KIAA2013: variants seen among roughly 807,000 people sequenced by gnomAD.
KIAA2013 encodes the protein uncharacterized protein KIAA2013.
Under a neutral mutation model 39.9 loss-of-function variants are expected in KIAA2013, and 20 were observed. That is an observed-to-expected ratio of 0.50 (90% CI 0.35 to 0.73). KIAA2013 has a LOEUF of 0.73. Ranked by LOEUF, KIAA2013 falls within the 30% of genes least tolerant of loss-of-function variation. The pLI is 0.01. For missense variants in KIAA2013, 587 were observed against 856.1 expected (o/e 0.69, Z 3.92); for synonymous variants, 336 against 416.6 (o/e 0.81, Z 2.35).
Position 11,920,276 on chromosome 1 carries a change from T to C in KIAA2013, c.*39A>G, listed in dbSNP as rs1354830282. The C allele has an allele frequency of 2.7e-5, 43 of 1,612,030 alleles. No homozygotes were observed. Among genetic ancestry groups the C allele is most frequent in the Non-Finnish European group, 3.6e-5 (42 of 1,178,194 alleles). Reference sequence around the variant, plus strand: ...AGCGGGACTTTCAGTGCTGGGTGTCTTGTGCAAATGGTGGCTGAAAGCAGG... The same window carrying C: ...AGCGGGACTTTCAGTGCTGGGTGTCCTGTGCAAATGGTGGCTGAAAGCAGG... On this transcript the variant is annotated 3_prime_UTR_variant, in exon 3 of 3. Transcript: ENST00000376572.
At position 11,922,653 on chromosome 1, in the gene KIAA2013, G is replaced by C; in HGVS notation, c.1870C>G (p.Pro624Ala). The C allele has an allele frequency of 2.5e-6, 4 of 1,613,528 alleles. No homozygotes were observed. Among genetic ancestry groups the C allele is most frequent in the Non-Finnish European group, 3.4e-6 (4 of 1,179,816 alleles). Residue 624 changes from proline (P) to alanine (A), a missense_variant, in exon 2 of 3, where the codon CCC becomes GCC. Transcript: ENST00000376572. ...YNEYCGPGAK[P>A]LFRSKEDPSV ...CTTCCTACCTTACTCCTGAAGAGGG[G>C]CTTGGCTCCAGGCCCACAGTACTCG...
In KIAA2013 at chr1:11,925,754, G is replaced by A; in HGVS notation, c.484C>T (p.Pro162Ser). ...CCGGGGCCGGCGGCCACGGGGCCAG[G>A]ACCTGGGGACCCCAGCTGCAGGCAA... ...VRCLQLGSPGPGPVAAGPGPA... is the reference protein window; with the variant it reads ...VRCLQLGSPGSGPVAAGPGPA... Residue 162 changes from proline (P) to serine (S), a missense_variant, in exon 1 of 3, where the codon CCT becomes TCT. Transcript: ENST00000376572. This position sits in a 1 kb window ranked among gnomAD's most constrained non-coding sequence, Gnocchi z 5.2. 1 of 1,545,594 alleles carries A rather than the reference G, an allele frequency of 6.5e-7. No individual in the cohort carries two copies. The highest frequency in any genetic ancestry group is 1.2e-5 in the South Asian group (1 of 84,976).
intron 2 of KIAA2013, among the ~76,000 whole-genome samples, chr1:11,921,184 G>A (rs148858720): frequency 7.2e-5 from 11 of 152,272 alleles, no homozygotes; most frequent in Non-Finnish European, 1.5e-4. Flanking sequence ...ATCCCTGCTG[G>A]TCTTTCTCCT....
intron 1 of KIAA2013, among the ~76,000 whole-genome samples, chr1:11,924,142 C>A (rs1355903831): frequency 6.6e-6 from 1 of 151,960 alleles, no homozygotes; most frequent in Non-Finnish European, 1.5e-5. Context: ...TAAAAACATA[C>A]ACACACACAA....
rs1645490207 is a variant in KIAA2013 at position 11,923,960 on chromosome 1, C to T, written c.1034-471G>A. Reference sequence around the variant, plus strand: ...AACGATCTCAGGTTACTACAGCCTCCGCCTCCCGGGTTCAAGTGATTCTCC... The same window carrying T: ...AACGATCTCAGGTTACTACAGCCTCTGCCTCCCGGGTTCAAGTGATTCTCC... On this transcript the variant is annotated intron_variant, in intron 1 of 2. Coordinates refer to ENST00000376572, the MANE Select transcript of KIAA2013 (RefSeq NM_138346.3). The surrounding 1 kb of genome is among the most constrained non-coding windows in gnomAD (Gnocchi z 4.6). 6.6e-6 allele frequency among the ~76,000 whole-genome samples: 1 copy of T among 152,112 alleles called. No individual in the cohort carries two copies. Among genetic ancestry groups the T allele is most frequent in the Non-Finnish European group, 1.5e-5 (1 of 68,028 alleles).
chr1:11,923,169 G>T lies in KIAA2013; in HGVS notation c.1354C>A (p.Gln452Lys). 6.2e-7 allele frequency: 1 copy of T among 1,613,602 alleles called. No homozygotes were observed. The highest frequency in any genetic ancestry group is 8.5e-7 in the Non-Finnish European group (1 of 1,179,792). Residue 452 changes from glutamine (Q) to lysine (K), a missense_variant, in exon 2 of 3, where the codon CAG becomes AAG. Transcript: ENST00000376572. The surrounding 1 kb of genome is among the most constrained non-coding windows in gnomAD (Gnocchi z 4.6). Reference sequence around the variant, plus strand: ...CCCCCAAAGCTGAGCACCATCCCCTGCAGGATGCCTGGGGCACCCACCTTC... The same window carrying T: ...CCCCCAAAGCTGAGCACCATCCCCTTCAGGATGCCTGGGGCACCCACCTTC... ...LVKVGAPGIL[Q>K]GMVLSFGGLQ...
Position 11,923,517 on chromosome 1 carries a change from AG to A in KIAA2013, c.1034-29del. On this transcript the variant is annotated intron_variant, in intron 1 of 2. Transcript: ENST00000376572. This position sits in a 1 kb window ranked among gnomAD's most constrained non-coding sequence, Gnocchi z 4.6. ...GCAACACCATGAAAGCGGCATGTTA[AG>A]GGGGAAGGACAGCTGGGAGGCAGAG... 8.1e-6 allele frequency: 13 copies of A among 1,599,528 alleles called. No homozygotes were observed. Among genetic ancestry groups the A allele is most frequent in the African/African-American group, 1.3e-5 (1 of 75,000 alleles).
In KIAA2013 at chr1:11,920,405, C is replaced by T. The variant is rs370255404; in HGVS notation, c.1888-73G>A. On this transcript the variant is annotated intron_variant, in intron 2 of 2. Coordinates refer to ENST00000376572, the MANE Select transcript of KIAA2013 (RefSeq NM_138346.3). The stretch of plus-strand genomic sequence containing the variant: ...AGTGGCCAGCTATAGAAATAGGCTA[C>T]GGAGACAACCCTAGTGGCACCACAC... 74 of 1,495,348 alleles carry T rather than the reference C, an allele frequency of 4.9e-5. No individual in the cohort carries two copies. In the African/African-American group the frequency reaches 6.7e-4, roughly 14 times the overall value. 92.6% of individuals were successfully genotyped at this position (1,495,348 alleles called of 1,614,324 possible).
rs560671067 is a variant in KIAA2013 at position 11,923,269 on chromosome 1, G to A, written c.1254C>T (p.Ser418=). 1 of 1,613,360 alleles carries A rather than the reference G, an allele frequency of 6.2e-7. No homozygotes were observed. The highest frequency in any genetic ancestry group is 1.3e-5 in the African/African-American group (1 of 74,928). Residue 418 remains serine (S), a synonymous_variant, in exon 2 of 3, where the codon TCC becomes TCT. Coordinates refer to ENST00000376572, the MANE Select transcript of KIAA2013 (RefSeq NM_138346.3). The surrounding 1 kb of genome is among the most constrained non-coding windows in gnomAD (Gnocchi z 4.6). ...HAENLWPGRL[S]SVQQILQLSD... ...AGAGCTGCAGGATCTGCTGGACGGAGGACAGCCGCCCCGGCCACAGGTTCT... is the reference window on the plus strand; with the variant it reads ...AGAGCTGCAGGATCTGCTGGACGGAAGACAGCCGCCCCGGCCACAGGTTCT...
intron 1 of KIAA2013, among the ~76,000 whole-genome samples, chr1:11,924,724 G>A (rs1383916882): frequency 2.6e-5 from 4 of 152,128 alleles, no homozygotes; most frequent in Non-Finnish European, 4.4e-5. Flanking sequence ...CCTGCTAAAA[G>A]GGATTCTCCA....
intron 2 of KIAA2013, among the ~76,000 whole-genome samples, chr1:11,921,391 C>T (rs990635639): frequency 1.3e-5 from 2 of 152,148 alleles, no homozygotes; most frequent in East Asian, 3.9e-4. Flanking sequence ...GAGATGGCCA[C>T]TCTGGTCCGA....
chr1:11,920,793 G>A (rs1028389695), intron 2 of KIAA2013, among the ~76,000 whole-genome samples: 5 of 152,136 alleles, frequency 3.3e-5, no homozygotes, highest in African/African-American at 4.8e-5. Flanking sequence ...ATTTTTCTTC[G>A]AACTTGAGGA....
rs772905077 is a variant in KIAA2013 at position 11,923,417 on chromosome 1, A to G, written c.1106T>C (p.Met369Thr). The change falls in exon 2 of 3, where the codon ATG becomes ACG. Residue 369 changes from methionine to threonine, a missense_variant. Transcript: ENST00000376572. This position sits in a 1 kb window ranked among gnomAD's most constrained non-coding sequence, Gnocchi z 4.6. ...CAGTGGGGCTGGCGAGCAGGAGAGC[A>G]TGTAATAGAGCGTCAGGTTCACGGT... ...GLTVNLTLYY[M>T]LSCSPAPLLS... 4 of 1,612,208 alleles carry G rather than the reference A, an allele frequency of 2.5e-6. No homozygotes were observed. Among genetic ancestry groups the G allele is most frequent in the Non-Finnish European group, 3.4e-6 (4 of 1,180,018 alleles).
At position 11,919,957 on chromosome 1, in the gene KIAA2013, T is replaced by G. The variant is rs1343641669; in HGVS notation, c.*358A>C. 3.1e-6 allele frequency: 1 copy of G among 321,018 alleles called. No homozygotes were observed. The highest frequency in any genetic ancestry group is 7.0e-5 in the East Asian group (1 of 14,378). 19.9% of individuals were successfully genotyped at this position (321,018 alleles called of 1,614,324 possible). On this transcript the variant is annotated 3_prime_UTR_variant, in exon 3 of 3. Coordinates refer to ENST00000376572, the MANE Select transcript of KIAA2013 (RefSeq NM_138346.3). ...TTCATTAAGAAAGAACACGTTAAAT[T>G]AGGAAAAGGACACAACTTTTCCTAG...
At chr1:11,922,523 G>A (rs11555351) in intron 2 of KIAA2013, 113 bp downstream of exon 2, 95,856 of 1,551,562 alleles carry the variant, frequency 0.062, 3,504 homozygotes, top group South Asian at 0.13. Context: ...AGGGCATCAG[G>A]ACACCCATTC....
intron 2 of KIAA2013, among the ~76,000 whole-genome samples, chr1:11,921,072 G>A (rs1476426333): frequency 2.1e-5 from 3 of 141,250 alleles, no homozygotes; most frequent in African/African-American, 8.5e-5. Context: ...GAAGAGTAGA[G>A]GGGAGGAGAC....
intron 2 of KIAA2013, among the ~76,000 whole-genome samples, chr1:11,921,238 T>C (rs1278086451): frequency 2.0e-5 from 3 of 152,148 alleles, no homozygotes; most frequent in Non-Finnish European, 4.4e-5. Context: ...GTAGGCAGCC[T>C]CACCCCGCGA....
chr1:11,924,958 T>C (rs757713519), intron 1 of KIAA2013, among the ~76,000 whole-genome samples: 3 of 152,178 alleles, frequency 2.0e-5, no homozygotes, highest in Non-Finnish European at 4.4e-5. Flanking sequence ...AATTGACCTT[T>C]ACACTCAATT....
At position 11,923,759 on chromosome 1, in the gene KIAA2013, C is replaced by T. The variant is rs1298173273; in HGVS notation, c.1034-270G>A. Among the ~76,000 whole-genome samples the T allele has an allele frequency of 2.6e-5, 4 of 152,228 alleles. No individual in the cohort carries two copies. Among genetic ancestry groups the T allele is most frequent in the Admixed American group, 6.5e-5 (1 of 15,286 alleles). On this transcript the variant is annotated intron_variant, in intron 1 of 2. Coordinates refer to ENST00000376572, the MANE Select transcript of KIAA2013 (RefSeq NM_138346.3). The surrounding 1 kb of genome is among the most constrained non-coding windows in gnomAD (Gnocchi z 4.6). ...GAACACAGACTTAGCCAGGACTTGG[C>T]ACCAACCCTATGGTCAGACATCCTG...
Sources: allele counts gnomAD v4.1 joint callset (sites outside exome capture counted in the v4.1 genomes callset), GRCh38; gene constraint gnomAD v4.1.1; non-coding constraint Gnocchi (gnomAD v3.1); transcripts MANE v1.5; gene names NCBI Gene and HGNC (gene_info 2026-07-23, HGNC 2026-07-21).